Variants in TENM1 observed in about 807,000 individuals in gnomAD.
TENM1 encodes teneurin-1.
A neutral mutation model predicts 174.8 loss-of-function variants in TENM1; 35 were observed. That is an observed-to-expected ratio of 0.20 (90% confidence interval 0.15 to 0.27). The LOEUF (loss-of-function observed/expected upper bound fraction) is 0.27. Ranked by LOEUF, TENM1 falls within the 10% of genes least tolerant of loss-of-function variation. The probability of loss-of-function intolerance (pLI) is 1.00; values close to 1 mark genes in which losing one functional copy is unlikely to be tolerated. For synonymous variants in TENM1, 781 were observed against 798.7 expected, an observed-to-expected ratio of 0.98 and a Z score of 0.37; for missense variants, 1,633 against 2,130.1, an observed-to-expected ratio of 0.77 and a Z score of 4.59.
intron 3 of TENM1, among the ~76,000 whole-genome samples, chrX:124,833,517 AC>A (rs775280230): frequency 1.2e-3 from 132 of 111,580 alleles, no homozygotes; most frequent in Non-Finnish European, 1.6e-3. Flanking sequence ...TTCAGTTAGA[AC>A]CTACAAAGAG....
intron 19 of TENM1, among the ~76,000 whole-genome samples, chrX:124,498,586 T>C (rs1328364603): frequency 9.2e-6 from 1 of 109,138 alleles, no homozygotes; most frequent in Non-Finnish European, 1.9e-5. Flanking sequence ...TCTATGTTTT[T>C]GTCCATGCTA....
chrX:124,810,749 G>C (rs2147265231), intron 3 of TENM1, among the ~76,000 whole-genome samples: 1 of 111,563 alleles, frequency 9.0e-6, no homozygotes, highest in Admixed American at 9.5e-5. Flanking sequence ...GCAATCTTGA[G>C]CAAAATGAAC....
intron 17 of TENM1, among the ~76,000 whole-genome samples, chrX:124,522,845 T>C (rs1320626916): frequency 9.0e-6 from 1 of 110,932 alleles, no homozygotes; most frequent in Non-Finnish European, 1.9e-5. Context: ...TGTGCCACCA[T>C]GCCTGACTAA....
Position 124,463,836 on chromosome X carries a change from GGTGTGTGT to G in TENM1, c.3950-10353_3950-10346del, listed in dbSNP as rs61128914. Among the ~76,000 whole-genome samples, 128 of 90,898 alleles carry G rather than the reference GGTGTGTGT, an allele frequency of 1.4e-3. 1 individual carries two copies. The highest frequency in any genetic ancestry group is 2.7e-3 in the African/African-American group (65 of 24,468). 78.9% of individuals were successfully genotyped at this position (90,898 alleles called of 115,157 possible). On this transcript the variant is annotated intron_variant, in intron 22 of 31. Transcript: ENST00000422452. ...TTTTTCTTTGCTTTATAGAGGTTGG[GGTGTGTGT>G]GTGTGTGTGTGTGTGTGTGTGTGTG...
chrX:124,522,221 T>C (rs1226568043), intron 17 of TENM1, among the ~76,000 whole-genome samples: 3 of 111,094 alleles, frequency 2.7e-5, no homozygotes, highest in Non-Finnish European at 3.8e-5. Context: ...GCAGTATTTT[T>C]GTGTGAGCCT....
chrX:125,161,399 T>G, the TENM1 span, among the ~76,000 whole-genome samples: 885 of 111,777 alleles, frequency 7.9e-3, 8 homozygotes, highest in Non-Finnish European at 0.012. Flanking sequence ...ATATTATCAA[T>G]CCACAGTTGG....
chrX:124,422,340 A>G, exon 24 of TENM1: 1 of 1,209,563 alleles, frequency 8.3e-7, no homozygotes, highest in Non-Finnish European at 1.1e-6. Context: ...GATGATGTAG[A>G]TCTCCCCATT....
chrX:124,987,656 A>G, the TENM1 span, among the ~76,000 whole-genome samples: 1 of 109,999 alleles, frequency 9.1e-6, no homozygotes, highest in Non-Finnish European at 1.9e-5. Context: ...ACCAGTTAAG[A>G]TGTTGACACT....
chrX:124,954,631 G>T (rs1298695518), intron 1 of TENM1, among the ~76,000 whole-genome samples: 2 of 111,544 alleles, frequency 1.8e-5, no homozygotes, highest in African/African-American at 3.3e-5. Flanking sequence ...GCAAGGGAGG[G>T]TGAAATGTAG....
chrX:124,943,475 A>G (rs1469631148), intron 1 of TENM1, among the ~76,000 whole-genome samples: 2 of 112,196 alleles, frequency 1.8e-5, no homozygotes, highest in Admixed American at 9.5e-5. Context: ...AAAGCTCAGT[A>G]AAACAAAAGC....
At position 124,443,030 on chromosome X, in the gene TENM1, A is replaced by C. The variant is rs745377270; in HGVS notation, c.4104+10307T>G. Among the ~76,000 whole-genome samples, 5 of 75,541 alleles carry C rather than the reference A, an allele frequency of 6.6e-5. No individual in the cohort carries two copies. In the South Asian group the frequency reaches 3.5e-3, roughly 53 times the overall value. 65.6% of individuals were successfully genotyped at this position (75,541 alleles called of 115,157 possible). ...TCCACCCAGATTGCTGTAACTTTTC[A>C]TGCCTGGATGACTATGTGTGTGTGT... On this transcript the variant is annotated intron_variant, in intron 23 of 31. Coordinates refer to ENST00000422452, the Ensembl canonical transcript of TENM1.
chrX:124,738,007 T>G lies in TENM1; in HGVS notation c.536-810A>C, dbSNP rs766175800. ...TTCTATTGTTGCTATTGCTTGGTAT[T>G]TTTCCATTGTTTTCCTGGCAGGCAC... On this transcript the variant is annotated intron_variant, in intron 3 of 31. Coordinates refer to ENST00000422452, the Ensembl canonical transcript of TENM1. 6.3e-4 allele frequency among the ~76,000 whole-genome samples: 70 copies of G among 111,831 alleles called. No individual in the cohort carries two copies. In the South Asian group the frequency reaches 0.026, roughly 42 times the overall value.
intron 1 of TENM1, among the ~76,000 whole-genome samples, chrX:124,901,842 A>T (rs377127785): frequency 8.5e-4 from 95 of 111,711 alleles, no homozygotes; most frequent in African/African-American, 3.0e-3. Flanking sequence ...TTATGCTCCA[A>T]ATAAGTAATT....
intron 23 of TENM1, among the ~76,000 whole-genome samples, chrX:124,453,098 C>T (rs933137389): frequency 9.0e-6 from 1 of 111,649 alleles, no homozygotes. Flanking sequence ...GCTTGAGAGA[C>T]TTTACTTAAT....
At chrX:125,105,555 G>A in the TENM1 span, among the ~76,000 whole-genome samples, 6 of 111,421 alleles carry the variant, frequency 5.4e-5, no homozygotes, top group Non-Finnish European at 1.1e-4. Flanking sequence ...ATCTACACCA[G>A]GAAGATTTTT....
chrX:124,994,889 T>C, the TENM1 span, among the ~76,000 whole-genome samples: 1 of 111,068 alleles, frequency 9.0e-6, no homozygotes, highest in Non-Finnish European at 1.9e-5. Context: ...TTTCTCTGCT[T>C]GAAACTCTAC....
chrX:124,499,065 G>A (rs907462436), intron 19 of TENM1, among the ~76,000 whole-genome samples: 2 of 111,850 alleles, frequency 1.8e-5, no homozygotes, highest in Admixed American at 1.9e-4. Context: ...AAACATCCAT[G>A]TTGTGGGAAG....
At chrX:124,749,082 C>A (rs1262357231) in intron 3 of TENM1, among the ~76,000 whole-genome samples, 1 of 110,860 alleles carries the variant, frequency 9.0e-6, no homozygotes, top group African/African-American at 3.3e-5. Flanking sequence ...TTTTTTTTCA[C>A]AATTTTCAGT....
exon 2 of TENM1, chrX:124,896,106 T>A (rs1392750974): frequency 3.3e-6 from 4 of 1,209,454 alleles, no homozygotes; most frequent in Non-Finnish European, 4.5e-6. Flanking sequence ...TAGTGCATGG[T>A]CAGGTGAGGC....
Sources: allele counts gnomAD v4.1 joint callset (sites outside exome capture counted in the v4.1 genomes callset), GRCh38; gene constraint gnomAD v4.1.1; transcripts MANE v1.5; gene names NCBI Gene and HGNC (gene_info 2026-07-23, HGNC 2026-07-21).